Variants in AOAH observed in about 807,000 individuals in gnomAD.
The protein encoded by AOAH is acyloxyacyl hydrolase (neutrophil).
Under a neutral mutation model 92.2 loss-of-function variants are expected in AOAH, and 64 were observed. The ratio of observed to expected loss-of-function variants is 0.69; its 90% CI spans 0.57 to 0.86. AOAH has a LOEUF of 0.86. Ranked by LOEUF, AOAH falls within the 40% of genes least tolerant of loss-of-function variation. The pLI is 0.00. For missense variants in AOAH, 656 were observed against 694.6 expected, an observed-to-expected ratio of 0.94 and a Z score of 0.62; for synonymous variants, 263 against 254.5, an observed-to-expected ratio of 1.03 and a Z score of -0.32.
chr7:36,642,788 C>T (rs1010332466), intron 4 of AOAH, among the ~76,000 whole-genome samples: 3 of 152,156 alleles, frequency 2.0e-5, no homozygotes, highest in East Asian at 1.9e-4. Flanking sequence ...GCAAAACATC[C>T]GTCTTCAATA....
rs949505121 is a variant in AOAH, at chr7:36,516,548, G to A, written c.1600-3168C>T. Among the ~76,000 whole-genome samples the A allele has an allele frequency of 6.6e-6, 1 of 152,098 alleles. No individual in the cohort carries two copies. The highest frequency in any genetic ancestry group is 2.4e-5 in the African/African-American group (1 of 41,408). On this transcript the variant is annotated intron_variant, in intron 20 of 20. Coordinates refer to ENST00000617537, the MANE Select transcript of AOAH (RefSeq NM_001637.4). The surrounding 1 kb of genome is among the most constrained non-coding windows in gnomAD (Gnocchi z 5.0). ...TCTTTGCACTTAAAAGCAGGAGCAT[G>A]TCAAAGGCTGCCTGCGAAGCTGGCC...
intron 4 of AOAH, among the ~76,000 whole-genome samples, chr7:36,647,114 C>T (rs904446897): frequency 6.6e-6 from 1 of 152,210 alleles, no homozygotes; most frequent in African/African-American, 2.4e-5. Flanking sequence ...CAGACTGTCT[C>T]TGCTTTCATG....
intron 11 of AOAH, among the ~76,000 whole-genome samples, chr7:36,612,015 T>C (rs1791493541): frequency 6.6e-6 from 1 of 152,316 alleles, no homozygotes; most frequent in African/African-American, 2.4e-5. Context: ...AACACTTACC[T>C]TAGAGGGCTT....
chr7:36,723,898 C>A, intron 1 of AOAH, 124 bp downstream of exon 1: 2 of 1,095,484 alleles, frequency 1.8e-6, no homozygotes, highest in Non-Finnish European at 2.5e-6. Context: ...AGTGAGGTTA[C>A]TGGTGCCTTA....
chr7:36,719,695 C>T (rs1309251917), intron 1 of AOAH, among the ~76,000 whole-genome samples: 1 of 152,108 alleles, frequency 6.6e-6, no homozygotes, highest in Non-Finnish European at 1.5e-5. Flanking sequence ...CTTTGGGAGG[C>T]TGAGGCAGAC....
chr7:36,606,233 T>C (rs895499477), intron 11 of AOAH, among the ~76,000 whole-genome samples: 6 of 152,110 alleles, frequency 3.9e-5, no homozygotes, highest in Non-Finnish European at 7.4e-5. Flanking sequence ...TGAGTGAGCG[T>C]AGGGTGACAG....
intron 2 of AOAH, among the ~76,000 whole-genome samples, chr7:36,685,578 T>C (rs11765990): frequency 0.07 from 10,675 of 152,252 alleles, 484 homozygotes; most frequent in Middle Eastern, 0.15. Context: ...TACACATTAT[T>C]CATGAATCCA....
At chr7:36,617,734 A>G (rs1442382045) in intron 10 of AOAH, among the ~76,000 whole-genome samples, 4 of 152,222 alleles carry the variant, frequency 2.6e-5, no homozygotes, top group East Asian at 1.9e-4. Context: ...GGTTTCCCCA[A>G]TGGAACTGGT....
At chr7:36,533,838 C>A (rs1040127966) in intron 16 of AOAH, among the ~76,000 whole-genome samples, 1 of 152,154 alleles carries the variant, frequency 6.6e-6, no homozygotes, top group African/African-American at 2.4e-5. Flanking sequence ...CTGGGGGCTA[C>A]CACTGAGTTG....
intron 3 of AOAH, among the ~76,000 whole-genome samples, chr7:36,660,756 CT>C (rs1795171876): frequency 6.6e-6 from 1 of 152,052 alleles, no homozygotes; most frequent in South Asian, 2.1e-4. Flanking sequence ...TTCATTTTTT[CT>C]TTCCCACTCC....
At chr7:36,557,586 A>T (rs370477635) in intron 13 of AOAH, among the ~76,000 whole-genome samples, 4 of 152,206 alleles carry the variant, frequency 2.6e-5, no homozygotes, top group South Asian at 4.1e-4. Flanking sequence ...GTGTTTTCCA[A>T]CTTGGTTCCA....
At chr7:36,635,223 T>C (rs887076506) in intron 5 of AOAH, among the ~76,000 whole-genome samples, 3 of 152,172 alleles carry the variant, frequency 2.0e-5, no homozygotes, top group Non-Finnish European at 2.9e-5. Context: ...TCTAATCCCA[T>C]CTAAAATGAG....
intron 3 of AOAH, among the ~76,000 whole-genome samples, chr7:36,660,759 TC>T (rs1481850600): frequency 6.6e-6 from 1 of 152,176 alleles, no homozygotes; most frequent in Non-Finnish European, 1.5e-5. Flanking sequence ...ATTTTTTCTT[TC>T]CCACTCCCAA....
intron 12 of AOAH, among the ~76,000 whole-genome samples, chr7:36,583,639 C>T (rs1451389788): frequency 6.6e-6 from 1 of 152,134 alleles, no homozygotes; most frequent in Admixed American, 6.5e-5. Context: ...AAAAGATTAG[C>T]AGGACAGCAT....
At chr7:36,557,792 C>T (rs1418801505) in intron 13 of AOAH, among the ~76,000 whole-genome samples, 1 of 152,128 alleles carries the variant, frequency 6.6e-6, no homozygotes, top group African/African-American at 2.4e-5. Context: ...CCTGAGGCTT[C>T]TGCATTCTTC....
chr7:36,715,203 A>G (rs1413255944), intron 1 of AOAH, among the ~76,000 whole-genome samples: 1 of 152,140 alleles, frequency 6.6e-6, no homozygotes, highest in African/African-American at 2.4e-5. Context: ...GAGCCAAATC[A>G]TGAGTGAACT....
intron 13 of AOAH, among the ~76,000 whole-genome samples, chr7:36,555,128 A>T (rs1182980638): frequency 6.7e-6 from 1 of 149,222 alleles, no homozygotes; most frequent in African/African-American, 2.5e-5. Flanking sequence ...GGTTTGTCAT[A>T]GATAGCTCTT....
chr7:36,699,637 G>T (rs78629978), intron 1 of AOAH, among the ~76,000 whole-genome samples: 44 of 134,466 alleles, frequency 3.3e-4, no homozygotes, highest in Non-Finnish European at 3.4e-4. Flanking sequence ...TGGATTATTT[G>T]TTTTTTTTTT....
chr7:36,580,476 T>C (rs376310180), intron 12 of AOAH, among the ~76,000 whole-genome samples: 1 of 152,226 alleles, frequency 6.6e-6, no homozygotes, highest in East Asian at 1.9e-4. Context: ...TAGAATTCTT[T>C]TATCTTTTTG....
Sources: allele counts gnomAD v4.1 joint callset (sites outside exome capture counted in the v4.1 genomes callset), GRCh38; gene constraint gnomAD v4.1.1; non-coding constraint Gnocchi (gnomAD v3.1); transcripts MANE v1.5; gene names NCBI Gene and HGNC (gene_info 2026-07-23, HGNC 2026-07-21).